Variants in ESRRG observed in about 807,000 individuals in gnomAD.
The protein encoded by ESRRG is estrogen-related receptor gamma.
Under a neutral mutation model 44.0 loss-of-function variants are expected in ESRRG, and 13 were observed. That is an observed-to-expected ratio of 0.30 (90% CI 0.19 to 0.47). ESRRG has a LOEUF of 0.47. ESRRG is among the 20% of genes least tolerant of loss of function. The probability of loss-of-function intolerance (pLI) is 1.00; values close to 1 mark genes in which losing one functional copy is unlikely to be tolerated. For missense variants in ESRRG, 395 were observed against 580.6 expected (o/e 0.68, Z 3.29); for synonymous variants, 215 against 214.6 (o/e 1.00, Z -0.02).
intron 3 of ESRRG, among the ~76,000 whole-genome samples, chr1:216,614,056 A>G (rs1331182714): frequency 1.3e-5 from 2 of 152,202 alleles, no homozygotes; most frequent in African/African-American, 4.8e-5. Context: ...CCTGCTTTAC[A>G]AAAACACACC....
intron 1 of ESRRG, among the ~76,000 whole-genome samples, chr1:217,001,304 TC>T (rs1427808030): frequency 6.6e-6 from 1 of 152,174 alleles, no homozygotes; most frequent in Non-Finnish European, 1.5e-5. Flanking sequence ...ATAAAGCAAA[TC>T]CACACTTGAT....
rs112688671 is a variant in ESRRG, at chr1:216,586,912, C to T, written c.590-18814G>A. 1.3e-3 allele frequency among the ~76,000 whole-genome samples: 195 copies of T among 152,152 alleles called. 1 individual carries two copies. The highest frequency in any genetic ancestry group is 4.5e-3 in the African/African-American group (186 of 41,502). The stretch of plus-strand genomic sequence containing the variant: ...CTTTCAACACTTTCTTTTATCAGCA[C>T]CAACATAATATTTAAGGTGACATTT... On this transcript the variant is annotated intron_variant, in intron 3 of 6. Coordinates refer to ENST00000408911, the MANE Select transcript of ESRRG (RefSeq NM_001438.4).
intron 1 of ESRRG, among the ~76,000 whole-genome samples, chr1:217,044,901 C>T (rs188101024): frequency 9.3e-4 from 141 of 152,280 alleles, no homozygotes; most frequent in African/African-American, 3.2e-3. Context: ...AACACACTCA[C>T]ATTTTTAGTA....
upstream of ESRRG, among the ~76,000 whole-genome samples, chr1:216,727,318 C>T (rs1000982629): frequency 1.3e-5 from 2 of 152,102 alleles, no homozygotes; most frequent in Admixed American, 6.5e-5. Flanking sequence ...AATATACCAT[C>T]CTGCAAAAAG....
At chr1:217,010,622 A>T (rs2078423524) in intron 1 of ESRRG, among the ~76,000 whole-genome samples, 1 of 152,228 alleles carries the variant, frequency 6.6e-6, no homozygotes, top group African/African-American at 2.4e-5. Flanking sequence ...TTCATAAAGA[A>T]CTGAGCCTTG....
At chr1:216,577,765 T>G (rs960469177) in intron 3 of ESRRG, among the ~76,000 whole-genome samples, 1 of 151,808 alleles carries the variant, frequency 6.6e-6, no homozygotes, top group Non-Finnish European at 1.5e-5. Flanking sequence ...GGATTTAAAA[T>G]ATAGATTTTT....
rs933796574 is a variant in ESRRG, at chr1:216,625,302, T to G, written c.589+25671A>C. The stretch of plus-strand genomic sequence containing the variant: ...TAACTACCACATCTATTCTAATGTT[T>G]CTCTAAACTGGGTCCACCCTGCTTA... On this transcript the variant is annotated intron_variant, in intron 3 of 6. Transcript: ENST00000408911. 4.8e-4 allele frequency among the ~76,000 whole-genome samples: 73 copies of G among 152,094 alleles called. 1 individual carries two copies. Among genetic ancestry groups the G allele is most frequent in the African/African-American group, 1.7e-3 (72 of 41,464 alleles).
chr1:216,672,429 T>A (rs2075363963), intron 2 of ESRRG, among the ~76,000 whole-genome samples: 1 of 152,228 alleles, frequency 6.6e-6, no homozygotes, highest in Admixed American at 6.5e-5. Flanking sequence ...AAATAGCACA[T>A]TCAGCTCTGA....
At chr1:216,777,582 G>A (rs2093662370) in intron 2 of ESRRG, among the ~76,000 whole-genome samples, 1 of 152,142 alleles carries the variant, frequency 6.6e-6, no homozygotes, top group African/African-American at 2.4e-5. Context: ...CTAAGTCTGA[G>A]TTTTGATTCA....
chr1:217,024,815 G>T (rs554387333), intron 1 of ESRRG, among the ~76,000 whole-genome samples: 3 of 152,142 alleles, frequency 2.0e-5, no homozygotes, highest in Non-Finnish European at 4.4e-5. Flanking sequence ...TATGAGGGAG[G>T]CACTATTATT....
chr1:216,794,211 A>G lies in ESRRG; in HGVS notation c.-13-116720T>C, dbSNP rs534205064. Among the ~76,000 whole-genome samples the G allele has an allele frequency of 2.0e-5, 3 of 152,256 alleles. No homozygotes were observed. In the East Asian group the frequency reaches 5.8e-4, roughly 29 times the overall value. ...ACATGACAGCATGATGGGAAAGACT[A>G]AAGGCTGACGTAAGTGTAAAAGAAA... On this transcript the variant is annotated intron_variant, in intron 2 of 7. Coordinates refer to the ESRRG transcript ENST00000359162.
At chr1:216,741,456 C>G (rs539655686) in intron 2 of ESRRG, among the ~76,000 whole-genome samples, 1 of 149,646 alleles carries the variant, frequency 6.7e-6, no homozygotes, top group African/African-American at 2.4e-5. Context: ...CAAAATACCC[C>G]CCTACACATA....
intron 1 of ESRRG, among the ~76,000 whole-genome samples, chr1:217,069,426 A>AATATATAT (rs3072275): frequency 6.7e-6 from 1 of 148,430 alleles, no homozygotes; most frequent in Non-Finnish European, 1.5e-5. Context: ...CAGATATAGA[A>AATATATAT]ATATATATAT....
chr1:217,031,347 C>G (rs1051578851), intron 1 of ESRRG, among the ~76,000 whole-genome samples: 1 of 152,132 alleles, frequency 6.6e-6, no homozygotes, highest in African/African-American at 2.4e-5. Context: ...TCTTCATATT[C>G]CCACCATTGT....
chr1:217,020,958 A>G (rs956994462), intron 1 of ESRRG, among the ~76,000 whole-genome samples: 8 of 151,840 alleles, frequency 5.3e-5, no homozygotes, highest in African/African-American at 1.9e-4. Flanking sequence ...GGATCATAGT[A>G]TGAGCTTGAT....
chr1:216,622,798 C>G (rs897986447), intron 3 of ESRRG, among the ~76,000 whole-genome samples: 5 of 152,016 alleles, frequency 3.3e-5, no homozygotes, highest in Admixed American at 6.6e-5. Context: ...TCAAAATACT[C>G]TACATTAATT....
chr1:216,872,055 C>G (rs1424090204), intron 2 of ESRRG, among the ~76,000 whole-genome samples: 2 of 152,138 alleles, frequency 1.3e-5, no homozygotes, highest in East Asian at 3.9e-4. Context: ...ACCTTCATTT[C>G]TCAGCAGTAT....
chr1:216,649,053 G>A (rs1190123994), intron 3 of ESRRG, among the ~76,000 whole-genome samples: 3 of 152,100 alleles, frequency 2.0e-5, no homozygotes, highest in Non-Finnish European at 2.9e-5. Context: ...CTTCACAAAC[G>A]TAAGCTACCA....
At chr1:216,629,820 A>G (rs2063811745) in intron 3 of ESRRG, among the ~76,000 whole-genome samples, 1 of 152,156 alleles carries the variant, frequency 6.6e-6, no homozygotes, top group Non-Finnish European at 1.5e-5. Context: ...CAAAATACCA[A>G]ATCATACCCA....
Sources: gnomAD v4.1 joint callset for allele counts (sites outside exome capture counted in the v4.1 genomes callset) on GRCh38, gnomAD v4.1.1 for gene constraint, MANE v1.5 for transcripts, NCBI Gene and HGNC (gene_info 2026-07-23, HGNC 2026-07-21) for gene names.